The following UNC13C variants were observed in gnomAD, a reference collection of about 807,000 sequenced individuals.
The protein encoded by UNC13C is protein unc-13 homolog C.
UNC13C carries 174 observed loss-of-function variants against 245.4 expected under a neutral mutation model. That is an observed-to-expected ratio of 0.71 (90% CI 0.63 to 0.80). The LOEUF (loss-of-function observed/expected upper bound fraction) is 0.80. Ranked by LOEUF, UNC13C falls within the 30% of genes least tolerant of loss-of-function variation. UNC13C has a pLI of 0.00. For missense variants in UNC13C, 2,829 were observed against 2,602.9 expected (o/e 1.09, Z -1.89); for synonymous variants, 992 against 895.1 (o/e 1.11, Z -1.93).
In UNC13C at chr15:54,129,481, A is replaced by G. The variant is rs368322592; in HGVS notation, c.2984-13537A>G. On this transcript the variant is annotated intron_variant, in intron 2 of 32. Coordinates refer to ENST00000260323, the MANE Select transcript of UNC13C (RefSeq NM_001080534.3). ...ATCCATTTTATAAATATTTGTTAAAATGTGTCTAATAGTTTAAAATATTAG... is the reference window on the plus strand; with the variant it reads ...ATCCATTTTATAAATATTTGTTAAAGTGTGTCTAATAGTTTAAAATATTAG... Among the ~76,000 whole-genome samples the G allele has an allele frequency of 7.2e-5, 11 of 152,296 alleles. 1 individual carries two copies. The highest frequency in any genetic ancestry group is 6.5e-4 in the Admixed American group (10 of 15,302).
intron 2 of UNC13C, among the ~76,000 whole-genome samples, chr15:54,136,594 C>T (rs962524529): frequency 4.6e-5 from 7 of 152,030 alleles, no homozygotes; most frequent in African/African-American, 1.7e-4. Flanking sequence ...TGGATAGAAA[C>T]GATGAGAGTG....
chr15:54,390,282 T>A (rs1282514412), intron 17 of UNC13C, among the ~76,000 whole-genome samples: 6 of 152,222 alleles, frequency 3.9e-5, no homozygotes, highest in African/African-American at 1.4e-4. Context: ...TTATATTTTC[T>A]TATGTGATAT....
At position 54,479,292 on chromosome 15, in the gene UNC13C, T is replaced by C. The variant is rs942722450; in HGVS notation, c.4934-15316T>C. Among the ~76,000 whole-genome samples the C allele has an allele frequency of 2.6e-5, 4 of 152,172 alleles. No homozygotes were observed. In the East Asian group the frequency reaches 5.8e-4, roughly 22 times the overall value. ...GGTGCATATATATTTATGATTGATA[T>C]ATCATCTTGGTAAATTGATCCCTTG... is the stretch of plus-strand genomic sequence containing the variant. On this transcript the variant is annotated intron_variant, in intron 19 of 32. Transcript: ENST00000260323.
intron 1 of UNC13C, among the ~76,000 whole-genome samples, chr15:53,998,594 A>G (rs1894741767): frequency 6.6e-6 from 1 of 152,032 alleles, no homozygotes. Context: ...CCTTTCTAAT[A>G]CTTTTGATTT....
the UNC13C span, among the ~76,000 whole-genome samples, chr15:53,876,830 A>G: frequency 6.6e-6 from 1 of 152,216 alleles, no homozygotes; most frequent in Non-Finnish European, 1.5e-5. Flanking sequence ...ACAAATAAAT[A>G]CAGAGATGAA....
intron 8 of UNC13C, among the ~76,000 whole-genome samples, chr15:54,255,721 T>C (rs1272686561): frequency 3.3e-5 from 5 of 152,178 alleles, no homozygotes; most frequent in South Asian, 2.1e-4. Context: ...AAAATGCCTG[T>C]CCTCACTTAG....
chr15:54,203,692 G>A (rs1328885706), intron 4 of UNC13C, among the ~76,000 whole-genome samples: 1 of 143,774 alleles, frequency 7.0e-6, no homozygotes, highest in Non-Finnish European at 1.5e-5. Context: ...TGATTGATTG[G>A]CATTTATACA....
In UNC13C at chr15:54,449,751, G is replaced by A. The variant is rs138574080; in HGVS notation, c.4933+34684G>A. 5.2e-3 allele frequency among the ~76,000 whole-genome samples: 786 copies of A among 152,096 alleles called. 6 individuals carry two copies. The highest frequency in any genetic ancestry group is 0.017 in the African/African-American group (721 of 41,536). The stretch of plus-strand genomic sequence containing the variant: ...TCCTTTAGCTTGGAGAAGTTTGATC[G>A]TCAGAAGCCTTCTTCTCTCAGCTCA... On this transcript the variant is annotated intron_variant, in intron 19 of 32. Transcript: ENST00000260323.
At chr15:54,028,472 A>G (rs940989879) in intron 2 of UNC13C, among the ~76,000 whole-genome samples, 1 of 152,116 alleles carries the variant, frequency 6.6e-6, no homozygotes, top group Non-Finnish European at 1.5e-5. Flanking sequence ...GCAAAACTAA[A>G]AATGTCTTTA....
At chr15:54,441,914 T>G (rs773926750) in intron 19 of UNC13C, among the ~76,000 whole-genome samples, 15 of 152,050 alleles carry the variant, frequency 9.9e-5, no homozygotes, top group Non-Finnish European at 1.0e-4. Context: ...TTTGTTTAAT[T>G]TATTCTTAGG....
At chr15:53,889,500 A>C in the UNC13C span, among the ~76,000 whole-genome samples, 2 of 152,232 alleles carry the variant, frequency 1.3e-5, no homozygotes, top group Non-Finnish European at 2.9e-5. Context: ...ATCTGCAAAC[A>C]GAGACAATTT....
intron 4 of UNC13C, among the ~76,000 whole-genome samples, chr15:54,193,263 C>A (rs770896275): frequency 3.9e-5 from 6 of 152,110 alleles, no homozygotes; most frequent in Non-Finnish European, 8.8e-5. Context: ...CATAAATTCA[C>A]CCTCAATTAC....
At chr15:54,610,297 G>A (rs1254216449) in intron 30 of UNC13C, among the ~76,000 whole-genome samples, 3 of 151,972 alleles carry the variant, frequency 2.0e-5, no homozygotes, top group African/African-American at 2.4e-5. Flanking sequence ...GCACAGTGGC[G>A]CGATCTCGGC....
the UNC13C span, among the ~76,000 whole-genome samples, chr15:53,866,328 A>G: frequency 6.6e-6 from 1 of 152,222 alleles, no homozygotes; most frequent in African/African-American, 2.4e-5. Flanking sequence ...ACTAATGAAG[A>G]TAAAAGCAAA....
At chr15:53,959,477 C>T in the UNC13C span, among the ~76,000 whole-genome samples, 7 of 152,048 alleles carry the variant, frequency 4.6e-5, no homozygotes, top group African/African-American at 1.4e-4. Context: ...TTGATAATAG[C>T]CATTCTAACT....
chr15:53,857,329 G>A, the UNC13C span, among the ~76,000 whole-genome samples: 1 of 152,126 alleles, frequency 6.6e-6, no homozygotes, highest in African/African-American at 2.4e-5. Context: ...AGTAGAGTTT[G>A]TTAGACACCA....
At chr15:54,364,054 T>A (rs2039299793) in intron 17 of UNC13C, among the ~76,000 whole-genome samples, 2 of 152,180 alleles carry the variant, frequency 1.3e-5, no homozygotes, top group Admixed American at 1.3e-4. Flanking sequence ...AGTGATTTAG[T>A]GCTGATTGGA....
At chr15:54,416,806 G>T in intron 19 of UNC13C, 1 of 429,964 alleles carries the variant, frequency 2.3e-6, no homozygotes. Context: ...GTTCCCTATA[G>T]CAGTTATTGG....
intron 19 of UNC13C, among the ~76,000 whole-genome samples, chr15:54,465,041 G>T (rs1253101492): frequency 6.6e-6 from 1 of 151,902 alleles, no homozygotes; most frequent in African/African-American, 2.4e-5. Flanking sequence ...CATATCTGAT[G>T]GCAGCATTCA....
Sources: gnomAD v4.1 joint callset for allele counts (sites outside exome capture counted in the v4.1 genomes callset) on GRCh38, gnomAD v4.1.1 for gene constraint, MANE v1.5 for transcripts, NCBI Gene and HGNC (gene_info 2026-07-23, HGNC 2026-07-21) for gene names.